NRG1: variants seen among roughly 807,000 people sequenced by gnomAD.
NRG1 encodes the protein pro-neuregulin-1, membrane-bound isoform.
Under a neutral mutation model 63.8 loss-of-function variants are expected in NRG1, and 18 were observed. That is an observed-to-expected ratio of 0.28 (90% CI 0.19 to 0.42). NRG1 has a LOEUF of 0.42. Among genes scored for constraint, NRG1 ranks in the 10% least tolerant of loss-of-function variants. The pLI is 1.00. For synonymous variants in NRG1, 302 were observed against 301.3 expected (o/e 1.00, Z -0.02); for missense variants, 762 against 814.7 (o/e 0.94, Z 0.79).
intron 5 of NRG1, among the ~76,000 whole-genome samples, chr8:32,632,328 G>A (rs1455218322): frequency 5.3e-5 from 8 of 152,066 alleles, no homozygotes; most frequent in African/African-American, 1.4e-4. Context: ...CAAGGCGGGC[G>A]GATCACCTGA....
chr8:32,505,932 C>T (rs546021141), intron 1 of NRG1, among the ~76,000 whole-genome samples: 10 of 152,264 alleles, frequency 6.6e-5, no homozygotes, highest in South Asian at 2.1e-4. Flanking sequence ...CAGGCCCAAC[C>T]ACCTGTGCTT....
chr8:32,381,546 A>G (rs780996056), intron 1 of NRG1, among the ~76,000 whole-genome samples: 7 of 152,236 alleles, frequency 4.6e-5, no homozygotes, highest in Non-Finnish European at 8.8e-5. Flanking sequence ...ATTTTGGAAT[A>G]ATAATTATAT....
chr8:32,420,417 C>A (rs562463364), intron 1 of NRG1, among the ~76,000 whole-genome samples: 12 of 152,208 alleles, frequency 7.9e-5, no homozygotes, highest in African/African-American at 2.9e-4. Context: ...CCCAGAATTG[C>A]TGAGAGTTTG....
chr8:32,511,733 A>C (rs1052555425), intron 1 of NRG1, among the ~76,000 whole-genome samples: 1 of 152,188 alleles, frequency 6.6e-6, no homozygotes, highest in Non-Finnish European at 1.5e-5. Flanking sequence ...AAAAACAATA[A>C]GAACTCTTTA....
intron 1 of NRG1, among the ~76,000 whole-genome samples, chr8:32,165,922 G>A (rs1207359012): frequency 6.6e-6 from 1 of 152,138 alleles, no homozygotes; most frequent in Admixed American, 6.5e-5. Flanking sequence ...CATGCCACAT[G>A]TGTTCGGTCA....
At chr8:31,741,698 C>A (rs534297764) in intron 1 of NRG1, among the ~76,000 whole-genome samples, 1 of 152,026 alleles carries the variant, frequency 6.6e-6, no homozygotes, top group East Asian at 1.9e-4. Flanking sequence ...TAACAAAAAT[C>A]TAGAAATTAT....
chr8:32,077,963 A>C (rs1826850099), intron 1 of NRG1, among the ~76,000 whole-genome samples: 1 of 152,136 alleles, frequency 6.6e-6, no homozygotes, highest in South Asian at 2.1e-4. Flanking sequence ...CTTCCAACAC[A>C]CTCAGAAGTC....
chr8:32,049,735 C>A (rs1168734782), intron 1 of NRG1, among the ~76,000 whole-genome samples: 3 of 152,116 alleles, frequency 2.0e-5, no homozygotes, highest in Non-Finnish European at 4.4e-5. Context: ...GTTCTGTATT[C>A]TACAAACCTT....
At chr8:32,681,981 C>T (rs958630962) in intron 5 of NRG1, among the ~76,000 whole-genome samples, 4 of 152,100 alleles carry the variant, frequency 2.6e-5, no homozygotes, top group African/African-American at 9.7e-5. Context: ...TCAGTGAGGA[C>T]CTGCTATGTG....
chr8:32,355,590 G>T (rs76608079), intron 1 of NRG1, among the ~76,000 whole-genome samples: 1 of 151,456 alleles, frequency 6.6e-6, no homozygotes, highest in Non-Finnish European at 1.5e-5. Flanking sequence ...TTTTAAAAAG[G>T]CAAATCATAT....
intron 1 of NRG1, among the ~76,000 whole-genome samples, chr8:32,350,051 G>A (rs1805401637): frequency 1.3e-5 from 2 of 152,062 alleles, no homozygotes; most frequent in Non-Finnish European, 2.9e-5. Context: ...AGGAGGCGTG[G>A]GCAGCAGCTC....
intron 1 of NRG1, among the ~76,000 whole-genome samples, chr8:32,212,457 C>T (rs1844795672): frequency 6.6e-6 from 1 of 151,902 alleles, no homozygotes; most frequent in Admixed American, 6.6e-5. Context: ...GAAAACATGG[C>T]TAGAATGATG....
In NRG1 at chr8:32,621,533, A is replaced by G. The variant is rs542842702; in HGVS notation, c.502+4648A>G. The stretch of plus-strand genomic sequence containing the variant: ...CTGTTGAATACCATAAAAAATTGTT[A>G]TACCAACCACTTTGCTGAATTAAGC... On this transcript the variant is annotated intron_variant, in intron 5 of 11. Transcript: ENST00000356819. 3.3e-5 allele frequency among the ~76,000 whole-genome samples: 5 copies of G among 152,356 alleles called. No homozygotes were observed. The South Asian group carries it at 1.0e-3, about 32-fold the overall frequency.
intron 1 of NRG1, among the ~76,000 whole-genome samples, chr8:32,049,053 G>T (rs1055062688): frequency 2.0e-5 from 3 of 152,020 alleles, no homozygotes; most frequent in African/African-American, 7.2e-5. Flanking sequence ...CTTGAAGACC[G>T]CAAAGCTTCT....
At chr8:32,083,137 G>T (rs747251177) in intron 1 of NRG1, among the ~76,000 whole-genome samples, 2 of 152,154 alleles carry the variant, frequency 1.3e-5, no homozygotes, top group Non-Finnish European at 2.9e-5. Context: ...AACAACAGCT[G>T]CATGAAAAGG....
At chr8:32,677,050 A>C (rs891950284) in intron 5 of NRG1, among the ~76,000 whole-genome samples, 1 of 152,140 alleles carries the variant, frequency 6.6e-6, no homozygotes, top group Non-Finnish European at 1.5e-5. Flanking sequence ...CTAGGTTCTT[A>C]GAAAATACTT....
intron 1 of NRG1, among the ~76,000 whole-genome samples, chr8:31,743,552 T>A (rs186316521): frequency 9.8e-4 from 149 of 151,616 alleles, no homozygotes; most frequent in African/African-American, 3.4e-3. Flanking sequence ...TTCTATATAT[T>A]GTTTAATATG....
chr8:31,931,869 G>A (rs565415721), intron 1 of NRG1, among the ~76,000 whole-genome samples: 5 of 152,258 alleles, frequency 3.3e-5, no homozygotes, highest in African/African-American at 7.2e-5. Flanking sequence ...CTACTTGCTC[G>A]CTCTCAGTGA....
At chr8:32,538,519 A>G (rs2129520265) in intron 1 of NRG1, among the ~76,000 whole-genome samples, 1 of 152,322 alleles carries the variant, frequency 6.6e-6, no homozygotes, top group African/African-American at 2.4e-5. Context: ...TCAAAATGTA[A>G]TGACAAAAAT....
Sources: allele counts gnomAD v4.1 joint callset (sites outside exome capture counted in the v4.1 genomes callset), GRCh38; gene constraint gnomAD v4.1.1; transcripts MANE v1.5; gene names NCBI Gene and HGNC (gene_info 2026-07-23, HGNC 2026-07-21).